DCTN4: variants seen among roughly 807,000 people sequenced by gnomAD.
The protein encoded by DCTN4 is dynactin subunit 4.
A neutral mutation model predicts 62.7 loss-of-function variants in DCTN4; 23 were observed. The ratio of observed to expected loss-of-function variants is 0.37; its 90% CI spans 0.26 to 0.52. The LOEUF is 0.52. Ranked by LOEUF, DCTN4 falls within the 20% of genes least tolerant of loss-of-function variation. The probability of loss-of-function intolerance (pLI) is 0.92; values close to 1 mark genes in which losing one functional copy is unlikely to be tolerated. For synonymous variants in DCTN4, 199 were observed against 202.1 expected, an observed-to-expected ratio of 0.98 and a Z score of 0.13; for missense variants, 514 against 580.4, an observed-to-expected ratio of 0.89 and a Z score of 1.18.
intron 4 of DCTN4, among the ~76,000 whole-genome samples, chr5:150,739,327 C>A: frequency 6.6e-6 from 1 of 151,832 alleles, no homozygotes; most frequent in Non-Finnish European, 1.5e-5. Flanking sequence ...CCGCAAAAAC[C>A]CCACCCAAAA....
intron 5 of DCTN4, chr5:150,731,792 A>C: frequency 8.8e-7 from 1 of 1,135,020 alleles, no homozygotes; most frequent in Middle Eastern, 1.9e-4. Flanking sequence ...AACTATGTGG[A>C]GTGTCTAAGA....
chr5:150,730,981 A>G (rs748568126), intron 7 of DCTN4, 63 bp downstream of exon 7: 61 of 1,055,558 alleles, frequency 5.8e-5, no homozygotes, highest in Non-Finnish European at 8.1e-5. Context: ...CACTAGGTAC[A>G]TAAATAACAA....
chr5:150,724,676 T>C (rs1474963300), intron 8 of DCTN4, among the ~76,000 whole-genome samples: 1 of 152,200 alleles, frequency 6.6e-6, no homozygotes, highest in Admixed American at 6.5e-5. Context: ...CAAAATATAA[T>C]TGCCTATTCT....
intron 1 of DCTN4, among the ~76,000 whole-genome samples, chr5:150,757,341 C>T (rs1459294409): frequency 6.6e-6 from 1 of 151,998 alleles, no homozygotes; most frequent in Non-Finnish European, 1.5e-5. Flanking sequence ...TCCTTTTTGC[C>T]CCCTTTCCAA....
intron 3 of DCTN4, among the ~76,000 whole-genome samples, chr5:150,748,030 CA>C (rs1401927259): frequency 1.3e-5 from 2 of 150,074 alleles, no homozygotes; most frequent in Non-Finnish European, 3.0e-5. Context: ...AAAATTTTCG[CA>C]ACCTACTCAT....
At chr5:150,745,970 A>C (rs1442193772) in intron 3 of DCTN4, among the ~76,000 whole-genome samples, 2 of 151,640 alleles carry the variant, frequency 1.3e-5, no homozygotes, top group African/African-American at 4.9e-5. Context: ...ATAGAGACAC[A>C]AAAAACCCTT....
chr5:150,733,219 T>G, intron 5 of DCTN4, 149 bp downstream of exon 5: 1 of 550,822 alleles, frequency 1.8e-6, no homozygotes, highest in Non-Finnish European at 3.2e-6. Flanking sequence ...AGCAAAAGCC[T>G]AACTATTGGA....
At chr5:150,746,745 A>C (rs1752446646) in intron 3 of DCTN4, among the ~76,000 whole-genome samples, 1 of 152,242 alleles carries the variant, frequency 6.6e-6, no homozygotes. Context: ...ACAGCCCTTC[A>C]TGCTAAAAAC....
intron 1 of DCTN4, among the ~76,000 whole-genome samples, chr5:150,757,411 C>T (rs561708777): frequency 1.3e-5 from 2 of 152,164 alleles, no homozygotes; most frequent in Non-Finnish European, 2.9e-5. Flanking sequence ...AACTTCACTG[C>T]CTGCCCCAGC....
rs1561684740 is a variant in DCTN4 at position 150,711,237 on chromosome 5, A to G, written c.1295T>C (p.Ile432Thr). ...KHDFKNLAAP[I>T]RPIEESDQGT... is the part of the protein sequence containing the mutation. ...CTGGTCACTTTCTTCAATGGGGCGA[A>G]TGGGGGCTGCCAGGTTTTTAAAATC... The change falls in exon 13 of 13, where the codon ATT (isoleucine) becomes ACT (threonine). Residue 432 changes from isoleucine (I) to threonine (T), a missense_variant. Physicochemically the swap from Ile to Thr is moderately conservative, Grantham distance 89 (BLOSUM62 -1). Transcript: ENST00000447998. The G allele has an allele frequency of 1.2e-6, 2 of 1,612,960 alleles. No individual in the cohort carries two copies. Among genetic ancestry groups the G allele is most frequent in the African/African-American group, 1.3e-5 (1 of 74,886 alleles).
chr5:150,731,344 T>G, intron 6 of DCTN4, 72 bp downstream of exon 6: 1 of 1,299,948 alleles, frequency 7.7e-7, no homozygotes, highest in Non-Finnish European at 1.1e-6. Flanking sequence ...TGTGTGTGTT[T>G]TAATCTCATT....
At chr5:150,742,077 C>T (rs199635186) in intron 4 of DCTN4, 37 bp downstream of exon 4, 239 of 1,604,448 alleles carry the variant, frequency 1.5e-4, no homozygotes, top group Middle Eastern at 4.9e-4. Context: ...CAATTTTTTC[C>T]GATTTCATCC....
chr5:150,734,026 AT>A (rs1426931197), intron 4 of DCTN4: 1 of 152,212 alleles, frequency 6.6e-6, no homozygotes, highest in African/African-American at 2.4e-5. Context: ...CCTTGTCTCT[AT>A]AAAAAAATGC....
intron 9 of DCTN4, among the ~76,000 whole-genome samples, chr5:150,720,748 A>C (rs1759929998): frequency 6.6e-6 from 1 of 152,168 alleles, no homozygotes. Context: ...CCAAATGTTG[A>C]GATTACAGGC....
chr5:150,748,386 T>C (rs1487087320), intron 3 of DCTN4, among the ~76,000 whole-genome samples: 1 of 152,128 alleles, frequency 6.6e-6, no homozygotes, highest in Non-Finnish European at 1.5e-5. Flanking sequence ...TGGCGATTCC[T>C]CAGGGATCTA....
intron 8 of DCTN4, among the ~76,000 whole-genome samples, chr5:150,728,356 G>GA (rs1181182418): frequency 6.6e-6 from 1 of 152,092 alleles, no homozygotes; most frequent in Admixed American, 6.5e-5. Context: ...GTGTGTACTT[G>GA]AAAAGAATGC....
At chr5:150,749,749 TAAGA>T (rs1276847258) in intron 3 of DCTN4, among the ~76,000 whole-genome samples, 1 of 152,180 alleles carries the variant, frequency 6.6e-6, no homozygotes, top group Non-Finnish European at 1.5e-5. Flanking sequence ...CTTTGGCACT[TAAGA>T]AAAATGAAAA....
intron 11 of DCTN4, among the ~76,000 whole-genome samples, chr5:150,717,137 T>C (rs1241539094): frequency 1.3e-5 from 2 of 152,202 alleles, no homozygotes; most frequent in Non-Finnish European, 2.9e-5. Flanking sequence ...AGATGATCTA[T>C]AGAGAAAGGC....
intron 12 of DCTN4, among the ~76,000 whole-genome samples, chr5:150,712,470 C>G (rs1430250417): frequency 2.0e-5 from 3 of 152,100 alleles, no homozygotes; most frequent in African/African-American, 7.2e-5. Flanking sequence ...CTCTGTTACC[C>G]AGGCTGGAGA....
Sources: allele counts gnomAD v4.1 joint callset (sites outside exome capture counted in the v4.1 genomes callset), GRCh38; gene constraint gnomAD v4.1.1; transcripts MANE v1.5; gene names NCBI Gene and HGNC (gene_info 2026-07-23, HGNC 2026-07-21).